Variants in SGCZ observed in about 807,000 individuals in gnomAD.
The protein encoded by SGCZ is sarcoglycan zeta, also known as zeta-sarcoglycan.
A neutral mutation model predicts 41.3 loss-of-function variants in SGCZ; 40 were observed. That is an observed-to-expected ratio of 0.97 (90% CI 0.75 to 1.26). SGCZ has a LOEUF of 1.26. SGCZ is among the 50% of genes most tolerant of loss of function. SGCZ has a pLI of 0.00. For missense variants in SGCZ, 552 were observed against 369.8 expected (o/e 1.49, Z -4.04); for synonymous variants, 206 against 137.5 (o/e 1.50, Z -3.49).
chr8:14,951,447 T>C lies in SGCZ; in HGVS notation c.39+286138A>G, dbSNP rs1394707999. On this transcript the variant is annotated intron_variant, in intron 1 of 7. Coordinates refer to ENST00000382080, the MANE Select transcript of SGCZ (RefSeq NM_139167.4). ...GGCTATTTTTACATACTGACCATAA[T>C]AACTTATTCTTAAATACTTCTGTGG... 2.0e-5 allele frequency among the ~76,000 whole-genome samples: 3 copies of C among 152,162 alleles called. No individual in the cohort carries two copies. In the East Asian group the frequency reaches 5.8e-4, roughly 29 times the overall value.
At chr8:14,427,038 GAATGAA>G (rs1799802197) in intron 2 of SGCZ, among the ~76,000 whole-genome samples, 1 of 118,342 alleles carries the variant, frequency 8.5e-6, no homozygotes, top group African/African-American at 3.9e-5. Flanking sequence ...TTAAATGAAT[GAATGAA>G]TGAATGAATG....
chr8:14,878,310 G>C (rs1271607342), intron 1 of SGCZ, among the ~76,000 whole-genome samples: 1 of 150,574 alleles, frequency 6.6e-6, no homozygotes, highest in East Asian at 2.0e-4. Context: ...AGCCATGTTT[G>C]AAACAAATGC....
At chr8:14,868,605 G>A (rs564334342) in intron 1 of SGCZ, among the ~76,000 whole-genome samples, 4 of 152,194 alleles carry the variant, frequency 2.6e-5, no homozygotes, top group African/African-American at 9.6e-5. Context: ...TGTTTTACAT[G>A]TACCAGTTTA....
chr8:14,634,641 G>T (rs189405141), intron 1 of SGCZ, among the ~76,000 whole-genome samples: 14 of 151,856 alleles, frequency 9.2e-5, no homozygotes, highest in African/African-American at 3.4e-4. Context: ...AACCACTGAG[G>T]TCTCCAATTT....
chr8:15,094,138 T>A (rs943529588), intron 1 of SGCZ, among the ~76,000 whole-genome samples: 4 of 152,112 alleles, frequency 2.6e-5, no homozygotes, highest in South Asian at 2.1e-4. Context: ...TGGTTTTTTT[T>A]AAATTTTTTT....
intron 1 of SGCZ, among the ~76,000 whole-genome samples, chr8:15,104,984 ACT>A (rs1184233507): frequency 1.3e-5 from 2 of 152,134 alleles, no homozygotes; most frequent in Non-Finnish European, 2.9e-5. Flanking sequence ...GGTTTGTATA[ACT>A]CTTTCCTTTA....
intron 1 of SGCZ, among the ~76,000 whole-genome samples, chr8:14,726,054 C>T (rs544015353): frequency 2.6e-3 from 398 of 151,728 alleles, no homozygotes; most frequent in African/African-American, 8.9e-3. Flanking sequence ...GTCAGGAGAT[C>T]GAGACCATCC....
intron 1 of SGCZ, among the ~76,000 whole-genome samples, chr8:14,672,976 G>A (rs1300845768): frequency 4.6e-5 from 7 of 152,156 alleles, no homozygotes; most frequent in Non-Finnish European, 1.0e-4. Context: ...AGAAAGCAGT[G>A]TTGCTGTGTT....
rs76934637 is a variant in SGCZ at position 14,226,850 on chromosome 8, T to C, written c.424+10742A>G. Among the ~76,000 whole-genome samples the C allele has an allele frequency of 8.3e-3, 1,258 of 152,202 alleles. 18 individuals are homozygous for C. Among genetic ancestry groups the C allele is most frequent in the African/African-American group, 0.029 (1,189 of 41,552 alleles). On this transcript the variant is annotated intron_variant, in intron 4 of 7. Coordinates refer to ENST00000382080, the MANE Select transcript of SGCZ (RefSeq NM_139167.4). ...GTATAAAAGTTCCAGTAGCTTTGTA[T>C]CCAATCTAACACAGTATTGTCTGCA...
chr8:14,579,571 G>T (rs770288582), intron 1 of SGCZ, among the ~76,000 whole-genome samples: 2 of 152,132 alleles, frequency 1.3e-5, no homozygotes, highest in Non-Finnish European at 2.9e-5. Flanking sequence ...AATATGGCAG[G>T]ATGAGAATAT....
chr8:14,928,024 T>C lies in SGCZ; in HGVS notation c.39+309561A>G, dbSNP rs74566144. Among the ~76,000 whole-genome samples the C allele has an allele frequency of 6.0e-3, 909 of 152,302 alleles. 6 individuals are homozygous for C. Among genetic ancestry groups the C allele is most frequent in the Non-Finnish European group, 9.8e-3 (669 of 68,024 alleles). On this transcript the variant is annotated intron_variant, in intron 1 of 7. Coordinates refer to ENST00000382080, the MANE Select transcript of SGCZ (RefSeq NM_139167.4). ...TAGCTCAACTCCAGATTCTTGAGTG[T>C]TTGTCCAGCATCTGCCAGAGGCCTC...
intron 1 of SGCZ, among the ~76,000 whole-genome samples, chr8:15,190,506 G>A (rs913218483): frequency 2.0e-5 from 3 of 152,022 alleles, no homozygotes; most frequent in Non-Finnish European, 4.4e-5. Flanking sequence ...CAGACACTGT[G>A]GTGTACTTAC....
intron 4 of SGCZ, among the ~76,000 whole-genome samples, chr8:14,234,877 T>C (rs1806699549): frequency 6.6e-6 from 1 of 152,188 alleles, no homozygotes; most frequent in African/African-American, 2.4e-5. Context: ...TTGTGTTTTG[T>C]AACGTATCTC....
chr8:14,682,636 G>A (rs1314864561), intron 1 of SGCZ, among the ~76,000 whole-genome samples: 1 of 151,974 alleles, frequency 6.6e-6, no homozygotes, highest in Non-Finnish European at 1.5e-5. Flanking sequence ...GGATTTCACT[G>A]TGTTAGCCAG....
intron 1 of SGCZ, among the ~76,000 whole-genome samples, chr8:14,956,362 C>T (rs562693719): frequency 6.6e-6 from 1 of 152,144 alleles, no homozygotes; most frequent in African/African-American, 2.4e-5. Context: ...ATAAAAGTCC[C>T]AATATCAGTT....
chr8:14,543,673 A>C (rs544046896), intron 2 of SGCZ, among the ~76,000 whole-genome samples: 1 of 152,310 alleles, frequency 6.6e-6, no homozygotes, highest in Admixed American at 6.5e-5. Flanking sequence ...TGGCCATCTT[A>C]GTTAAGAACT....
intron 3 of SGCZ, among the ~76,000 whole-genome samples, chr8:14,317,782 C>T (rs1801766647): frequency 6.6e-6 from 1 of 151,748 alleles, no homozygotes; most frequent in African/African-American, 2.4e-5. Flanking sequence ...GCAAAAACTG[C>T]AATTGCTTTT....
chr8:14,548,170 C>G (rs942482905), intron 2 of SGCZ, among the ~76,000 whole-genome samples: 1 of 152,148 alleles, frequency 6.6e-6, no homozygotes, highest in African/African-American at 2.4e-5. Context: ...AACAGAGCCA[C>G]AGTTTAAATA....
chr8:14,228,638 T>C (rs1806455823), intron 4 of SGCZ, among the ~76,000 whole-genome samples: 1 of 152,018 alleles, frequency 6.6e-6, no homozygotes, highest in African/African-American at 2.4e-5. Flanking sequence ...TTTTTATTAA[T>C]ATATAAGGAG....
Sources: gnomAD v4.1 joint callset for allele counts (sites outside exome capture counted in the v4.1 genomes callset) on GRCh38, gnomAD v4.1.1 for gene constraint, MANE v1.5 for transcripts, NCBI Gene and HGNC (gene_info 2026-07-23, HGNC 2026-07-21) for gene names.